RAB3GAP2: variants seen among roughly 807,000 people sequenced by gnomAD.
The protein encoded by RAB3GAP2 is RAB3 GTPase activating non-catalytic protein subunit 2.
A neutral mutation model predicts 185.3 loss-of-function variants in RAB3GAP2; 87 were observed. The observed-to-expected ratio is 0.47, with a 90% CI of 0.39 to 0.56. RAB3GAP2 has a LOEUF of 0.56. RAB3GAP2 is among the 20% of genes least tolerant of loss of function. The probability of loss-of-function intolerance (pLI) is 0.00; values close to 1 mark genes in which losing one functional copy is unlikely to be tolerated. For missense variants in RAB3GAP2, 1,492 were observed against 1,638.2 expected (o/e 0.91, Z 1.54); for synonymous variants, 554 against 576.1 (o/e 0.96, Z 0.55).
chr1:220,167,157 C>G (rs1658082462), intron 26 of RAB3GAP2, 136 bp downstream of exon 26: 1 of 779,256 alleles, frequency 1.3e-6, no homozygotes. Flanking sequence ...AAAAGGTCTA[C>G]CCTAGTTAGT....
At chr1:220,193,157 C>T in intron 13 of RAB3GAP2, 83 bp downstream of exon 13, 1 of 1,530,822 alleles carries the variant, frequency 6.5e-7, no homozygotes, top group Non-Finnish European at 9.0e-7. Context: ...AGTTATCATC[C>T]AGAAGCTGAA....
intron 27 of RAB3GAP2, 39 bp downstream of exon 27, chr1:220,164,694 T>C (rs1427244416): frequency 6.3e-7 from 1 of 1,582,426 alleles, no homozygotes; most frequent in Non-Finnish European, 8.6e-7. Flanking sequence ...AAGCCTCTTT[T>C]AGATCAAACA....
chr1:220,193,625 A>C (rs971575437), intron 12 of RAB3GAP2, among the ~76,000 whole-genome samples: 6 of 152,230 alleles, frequency 3.9e-5, no homozygotes, highest in African/African-American at 1.4e-4. Flanking sequence ...ACCTTTAGAG[A>C]ATATAAAGTA....
At chr1:220,185,940 G>A (rs1313549445) in intron 17 of RAB3GAP2, among the ~76,000 whole-genome samples, 199 bp from the exon 18 acceptor site, 1 of 152,042 alleles carries the variant, frequency 6.6e-6, no homozygotes, top group African/African-American at 2.4e-5. Context: ...TGCCAAATAT[G>A]ACATAAATGA....
chr1:220,221,633 T>TA (rs752072773), intron 2 of RAB3GAP2, among the ~76,000 whole-genome samples: 41 of 152,320 alleles, frequency 2.7e-4, no homozygotes, highest in Admixed American at 7.8e-4. Flanking sequence ...TTAAGACCAG[T>TA]AAAAAAGTTT....
intron 2 of RAB3GAP2, among the ~76,000 whole-genome samples, chr1:220,215,303 ATGT>A (rs1490970712): frequency 6.6e-6 from 1 of 152,132 alleles, no homozygotes; most frequent in African/African-American, 2.4e-5. Flanking sequence ...TGCCCCACAC[ATGT>A]TGTATTAATT....
At chr1:220,172,854 T>C in intron 21 of RAB3GAP2, 112 bp from the exon 22 acceptor site, 1 of 721,494 alleles carries the variant, frequency 1.4e-6, no homozygotes, top group Non-Finnish European at 2.5e-6. Flanking sequence ...CTTCTTGAGG[T>C]GAAAAAATTA....
chr1:220,212,521 G>T (rs1659103057), intron 4 of RAB3GAP2, among the ~76,000 whole-genome samples: 2 of 151,820 alleles, frequency 1.3e-5, no homozygotes, highest in South Asian at 2.1e-4. Flanking sequence ...AAGAGACAGG[G>T]TGTCACTCTG....
In RAB3GAP2 at chr1:220,182,960, C is replaced by T. The variant is rs766350654; in HGVS notation, c.1999-29G>A. 11 of 1,541,408 alleles carry T rather than the reference C, an allele frequency of 7.1e-6. No homozygotes were observed. In the African/African-American group the frequency reaches 1.2e-4, roughly 17 times the overall value. On this transcript the variant is annotated intron_variant, in intron 19 of 34. Transcript: ENST00000358951. ...TAAAACAGAAAACAAAACAAAACAACATTCCACATCTATCACCCACATTAT... is the reference window on the plus strand; with the variant it reads ...TAAAACAGAAAACAAAACAAAACAATATTCCACATCTATCACCCACATTAT...
At chr1:220,236,218 CCAG>C (rs1395413948) in intron 1 of RAB3GAP2, among the ~76,000 whole-genome samples, 1 of 152,014 alleles carries the variant, frequency 6.6e-6, no homozygotes, top group African/African-American at 2.4e-5. Flanking sequence ...TGTTCTGTCA[CCAG>C]GCTGGAGTGC....
chr1:220,176,440 G>C (rs1480644097), intron 21 of RAB3GAP2, among the ~76,000 whole-genome samples: 10 of 152,180 alleles, frequency 6.6e-5, no homozygotes, highest in African/African-American at 1.2e-4. Context: ...TTGAAGCCCA[G>C]AAACAGCCCA....
At chr1:220,204,279 G>A (rs149974652) in intron 8 of RAB3GAP2, among the ~76,000 whole-genome samples, 2 of 151,762 alleles carry the variant, frequency 1.3e-5, no homozygotes, top group African/African-American at 4.8e-5. Context: ...TTTTTTACTA[G>A]GTCAGAATTT....
chr1:220,236,472 C>T (rs1659593191), intron 1 of RAB3GAP2, among the ~76,000 whole-genome samples: 2 of 151,962 alleles, frequency 1.3e-5, no homozygotes, highest in Non-Finnish European at 2.9e-5. Flanking sequence ...CACTGCGCTC[C>T]GCCCCTTGTG....
At chr1:220,161,485 T>C (rs1413855120) in intron 28 of RAB3GAP2, among the ~76,000 whole-genome samples, 1 of 152,216 alleles carries the variant, frequency 6.6e-6, no homozygotes, top group Non-Finnish European at 1.5e-5. Flanking sequence ...GTCGGCATGC[T>C]AGCAGCTTCT....
chr1:220,188,181 C>T (rs1357190212), intron 17 of RAB3GAP2, among the ~76,000 whole-genome samples: 1 of 150,980 alleles, frequency 6.6e-6, no homozygotes, highest in African/African-American at 2.4e-5. Context: ...ACCTGTGATA[C>T]AGTTTTTTCT....
At chr1:220,210,910 C>T in intron 5 of RAB3GAP2, 34 bp from the exon 6 acceptor site, 1 of 1,613,656 alleles carries the variant, frequency 6.2e-7, no homozygotes, top group African/African-American at 1.3e-5. Flanking sequence ...CTTAACAACT[C>T]ATAAATCAAA....
In RAB3GAP2 at chr1:220,272,394, C is replaced by A; in HGVS notation, c.-57G>T. On this transcript the variant is annotated 5_prime_UTR_variant, in exon 1 of 35. Transcript: ENST00000358951. ...TTACCTCACCACGCCCTGCCCCCTC[C>A]ACCCCACTGCGGCCGCCACCGAGCC... 7.8e-7 allele frequency: 1 copy of A among 1,281,628 alleles called. No individual in the cohort carries two copies. Among genetic ancestry groups the A allele is most frequent in the Non-Finnish European group, 1.1e-6 (1 of 897,544 alleles). The allele number at this position is 1,281,628 out of a possible 1,614,324, so 79.4% of individuals were successfully genotyped here.
intron 10 of RAB3GAP2, 121 bp downstream of exon 10, chr1:220,196,129 T>C (rs1658718398): frequency 9.6e-6 from 11 of 1,148,008 alleles, no homozygotes; most frequent in South Asian, 5.4e-5. Flanking sequence ...TTAGTTTCAA[T>C]TGAAATTTAG....
intron 1 of RAB3GAP2, among the ~76,000 whole-genome samples, chr1:220,247,725 T>G (rs1659846199): frequency 6.6e-6 from 1 of 151,992 alleles, no homozygotes; most frequent in Non-Finnish European, 1.5e-5. Flanking sequence ...AACAAAAAAT[T>G]CACCTGTACC....
Sources: gnomAD v4.1 joint callset for allele counts (sites outside exome capture counted in the v4.1 genomes callset) on GRCh38, gnomAD v4.1.1 for gene constraint, MANE v1.5 for transcripts, NCBI Gene and HGNC (gene_info 2026-07-23, HGNC 2026-07-21) for gene names.